The following USP31 variants were observed in gnomAD, a reference collection of about 807,000 sequenced individuals.
USP31 encodes the protein ubiquitin specific peptidase 31.
A neutral mutation model predicts 119.4 loss-of-function variants in USP31; 44 were observed. The ratio of observed to expected loss-of-function variants is 0.37; its 90% CI spans 0.29 to 0.47. The LOEUF (loss-of-function observed/expected upper bound fraction) is 0.47, where lower values mean the gene tolerates loss of function less well. Ranked by LOEUF, USP31 falls within the 20% of genes least tolerant of loss-of-function variation. The pLI is 0.99. For missense variants in USP31, 1,643 were observed against 1,730.2 expected (o/e 0.95, Z 0.89); for synonymous variants, 749 against 705.6 (o/e 1.06, Z -0.97).
At chr16:23,075,228 T>C (rs1051650839) in intron 13 of USP31, among the ~76,000 whole-genome samples, 4 of 152,142 alleles carry the variant, frequency 2.6e-5, no homozygotes, top group African/African-American at 4.8e-5. Flanking sequence ...GAAACAGCAA[T>C]TGGCCAGTGG....
intron 1 of USP31, among the ~76,000 whole-genome samples, chr16:23,144,432 C>A (rs1056082113): frequency 2.0e-5 from 3 of 151,824 alleles, no homozygotes; most frequent in Non-Finnish European, 4.4e-5. Flanking sequence ...GCAGGCGAAG[C>A]ACAGTGAGGT....
intron 2 of USP31, among the ~76,000 whole-genome samples, chr16:23,107,473 A>T (rs1902155717): frequency 6.6e-6 from 1 of 152,238 alleles, no homozygotes; most frequent in African/African-American, 2.4e-5. Flanking sequence ...TGAAGTACAG[A>T]GAAGAATTAT....
intron 6 of USP31, 71 bp from the exon 7 acceptor site, chr16:23,090,875 T>A: frequency 7.4e-7 from 1 of 1,350,924 alleles, no homozygotes; most frequent in East Asian, 2.5e-5. Flanking sequence ...TGAAGAAATT[T>A]ACCCAACAGA....
chr16:23,085,502 G>T (rs1901068402), intron 10 of USP31, 83 bp downstream of exon 10: 5 of 1,234,190 alleles, frequency 4.1e-6, no homozygotes, highest in Non-Finnish European at 3.5e-6. Context: ...TTGTGTTTCA[G>T]CTCATTTAAC....
In USP31 at chr16:23,067,828, C is replaced by T. The variant is rs548738469; in HGVS notation, c.*218G>A. 6 of 524,250 alleles carry T rather than the reference C, an allele frequency of 1.1e-5. No homozygotes were observed. Among genetic ancestry groups the T allele is most frequent in the African/African-American group, 1.9e-5 (1 of 51,312 alleles). The allele number at this position is 524,250 out of a possible 1,614,324, so 32.5% of individuals were successfully genotyped here. On this transcript the variant is annotated 3_prime_UTR_variant, in exon 16 of 16. Transcript: ENST00000219689. ...CAGTTAGCTTGGTGTCAATGTTTTG[C>T]CTATGGCTGTTATTTGGTTCAATGG... is the stretch of plus-strand genomic sequence containing the variant.
At chr16:23,147,494 G>C (rs186767521) in intron 1 of USP31, among the ~76,000 whole-genome samples, 1 of 152,262 alleles carries the variant, frequency 6.6e-6, no homozygotes, top group East Asian at 1.9e-4. Flanking sequence ...CTTCTGCTTA[G>C]AGTAACCGCC....
chr16:23,101,513 T>C (rs889315946), intron 6 of USP31, among the ~76,000 whole-genome samples: 1 of 152,170 alleles, frequency 6.6e-6, no homozygotes, highest in Non-Finnish European at 1.5e-5. Flanking sequence ...TGGAAAATCC[T>C]GATAAGAGCG....
chr16:23,134,335 G>C (rs80076737), intron 1 of USP31, among the ~76,000 whole-genome samples: 2 of 152,202 alleles, frequency 1.3e-5, no homozygotes, highest in African/African-American at 4.8e-5. Flanking sequence ...CATAAGGTTG[G>C]AGTAACAATG....
rs747183392 is a variant in USP31 at position 23,069,174 on chromosome 16, G to A, written c.2931C>T (p.Pro977=). ...SKHSAQGDRL[P]PLSGPFDNNN... ...TGTTATCAAATGGACCAGAGAGCGGGGGCAGGCGGTCCCCTTGTGCTGAAT... is the reference window on the plus strand; with the variant it reads ...TGTTATCAAATGGACCAGAGAGCGGAGGCAGGCGGTCCCCTTGTGCTGAAT... Residue 977 remains proline, a synonymous_variant, in exon 16 of 16, where the codon CCC becomes CCT. Transcript: ENST00000219689. 1 of 1,614,038 alleles carries A rather than the reference G, an allele frequency of 6.2e-7. No individual in the cohort carries two copies. The highest frequency in any genetic ancestry group is 8.5e-7 in the Non-Finnish European group (1 of 1,180,056).
intron 6 of USP31, among the ~76,000 whole-genome samples, chr16:23,095,708 A>C (rs1253127950): frequency 4.6e-5 from 7 of 152,234 alleles, no homozygotes; most frequent in Non-Finnish European, 8.8e-5. Flanking sequence ...TTCTTAAAGA[A>C]AAGAATTTTC....
At chr16:23,081,034 G>C (rs889897156) in intron 12 of USP31, among the ~76,000 whole-genome samples, 1 of 152,178 alleles carries the variant, frequency 6.6e-6, no homozygotes, top group Non-Finnish European at 1.5e-5. Flanking sequence ...TAAAATCATT[G>C]CAACAGTGAC....
At position 23,063,627 on chromosome 16, in the gene USP31, T is replaced by C. The variant is rs1454560620; in HGVS notation, c.*4419A>G. 1 of 152,368 alleles carries C rather than the reference T, an allele frequency of 6.6e-6. No homozygotes were observed. Among genetic ancestry groups the C allele is most frequent in the Non-Finnish European group, 1.5e-5 (1 of 67,990 alleles). The allele number at this position is 152,368 out of a possible 1,614,324, so 9.4% of individuals were successfully genotyped here. A position where few individuals can be genotyped will look rare whatever the true frequency, so the allele number is the denominator to read the frequency against. ...AATGATCAGAAAAACAGCAGAGAAA[T>C]ATATGCAGAGCAAAACAAGAAATCG... On this transcript the variant is annotated 3_prime_UTR_variant, in exon 16 of 16. Coordinates refer to ENST00000219689, the MANE Select transcript of USP31 (RefSeq NM_020718.4).
chr16:23,073,934 T>G (rs982452287), intron 13 of USP31, 54 bp from the exon 14 acceptor site: 1 of 1,611,890 alleles, frequency 6.2e-7, no homozygotes, highest in Non-Finnish European at 8.5e-7. Flanking sequence ...AGCCACTTCA[T>G]GCGACCCACA....
At chr16:23,134,087 T>TCA (rs985086998) in intron 1 of USP31, among the ~76,000 whole-genome samples, 1 of 112,392 alleles carries the variant, frequency 8.9e-6, no homozygotes, top group Non-Finnish European at 2.0e-5. Context: ...TCTCTCTCTC[T>TCA]CTCACACACA....
chr16:23,079,910 C>T (rs373237986), intron 13 of USP31, 36 bp downstream of exon 13: 13 of 1,545,976 alleles, frequency 8.4e-6, no homozygotes, highest in African/African-American at 7.0e-5. Flanking sequence ...CTGAAGGACT[C>T]GCCAGCACAG....
At chr16:23,075,139 G>A (rs1450646745) in intron 13 of USP31, among the ~76,000 whole-genome samples, 2 of 152,178 alleles carry the variant, frequency 1.3e-5, no homozygotes, top group Non-Finnish European at 2.9e-5. Context: ...ACGGAGGCAG[G>A]GAAGTTATTT....
intron 6 of USP31, 122 bp downstream of exon 6, chr16:23,102,197 C>A: frequency 9.2e-7 from 1 of 1,084,112 alleles, no homozygotes; most frequent in Non-Finnish European, 1.3e-6. Context: ...ATTAAAAAAT[C>A]ATGTGTATTT....
rs141984349 is a variant in USP31, at chr16:23,133,555, T to C, written c.633+15083A>G. ...TACAACATGGGGATTATCTGATCCT[T>C]GGAAGAATGTATGAAAAAATCCATC... On this transcript the variant is annotated intron_variant, in intron 1 of 15. Transcript: ENST00000219689. Among the ~76,000 whole-genome samples, 389 of 152,342 alleles carry C rather than the reference T, an allele frequency of 2.6e-3. 7 individuals are homozygous for C. The highest frequency in any genetic ancestry group is 0.019 in the Admixed American group (289 of 15,298).
In USP31 at chr16:23,084,966, T is replaced by C. The variant is rs1901044326; in HGVS notation, c.1724A>G (p.Glu575Gly). 1.2e-6 allele frequency: 2 copies of C among 1,613,854 alleles called. No homozygotes were observed. Among genetic ancestry groups the C allele is most frequent in the South Asian group, 1.1e-5 (1 of 91,048 alleles). ...AACACTTTCTGCATCAGGAATATAC[T>C]CATCCTCAGTATTTACAAATAAGCT... ...RDFLFVNTEDEYIPDAESVRL... is the reference protein window; with the variant it reads ...RDFLFVNTEDGYIPDAESVRL... The change falls in exon 11 of 16, where the codon GAG becomes GGG. Residue 575 changes from glutamate to glycine, a missense_variant. By Grantham distance (98) the Glu-to-Gly change is moderately conservative. Transcript: ENST00000219689.
Sources: gnomAD v4.1 joint callset for allele counts (sites outside exome capture counted in the v4.1 genomes callset) on GRCh38, gnomAD v4.1.1 for gene constraint, MANE v1.5 for transcripts, NCBI Gene and HGNC (gene_info 2026-07-23, HGNC 2026-07-21) for gene names.